GRIK2: variants seen among roughly 807,000 people sequenced by gnomAD.
GRIK2 encodes glutamate receptor ionotropic, kainate 2.
GRIK2 carries 32 observed loss-of-function variants against 100.3 expected under a neutral mutation model. The observed-to-expected ratio is 0.32, with a 90% CI of 0.24 to 0.43. GRIK2 has a LOEUF of 0.43. Among genes scored for constraint, GRIK2 ranks in the 20% least tolerant of loss-of-function variants. GRIK2 has a pLI of 1.00. For missense variants in GRIK2, 843 were observed against 1,114.9 expected, an observed-to-expected ratio of 0.76 and a Z score of 3.47; for synonymous variants, 417 against 389.4, an observed-to-expected ratio of 1.07 and a Z score of -0.83.
At chr6:101,532,303 G>T (rs1775480500) in intron 2 of GRIK2, among the ~76,000 whole-genome samples, 1 of 151,842 alleles carries the variant, frequency 6.6e-6, no homozygotes, top group Admixed American at 6.6e-5. Context: ...ATTCTTATCT[G>T]AGTAACATTT....
chr6:101,887,492 A>ATAT (rs5878700), intron 11 of GRIK2, among the ~76,000 whole-genome samples: 1 of 151,638 alleles, frequency 6.6e-6, no homozygotes, highest in Non-Finnish European at 1.5e-5. Context: ...CTACTACTTT[A>ATAT]TGTTCATTTT....
chr6:101,489,327 A>T (rs1399687624), intron 2 of GRIK2, among the ~76,000 whole-genome samples: 4 of 145,900 alleles, frequency 2.7e-5, no homozygotes, highest in African/African-American at 7.9e-5. Context: ...TTCCATGGGA[A>T]CTCTCTAATA....
chr6:101,735,043 A>G (rs1198843627), intron 7 of GRIK2, among the ~76,000 whole-genome samples: 3 of 152,212 alleles, frequency 2.0e-5, no homozygotes, highest in Admixed American at 1.3e-4. Flanking sequence ...TTTAGCAAAT[A>G]TATTTGTAGT....
At chr6:101,673,541 C>T (rs1770594115) in intron 4 of GRIK2, among the ~76,000 whole-genome samples, 1 of 152,144 alleles carries the variant, frequency 6.6e-6, no homozygotes, top group Admixed American at 6.6e-5. Context: ...TTCTTCTTTG[C>T]TTCATAAGAT....
At chr6:102,041,912 A>C (rs1026767004) in intron 15 of GRIK2, among the ~76,000 whole-genome samples, 5 of 151,564 alleles carry the variant, frequency 3.3e-5, no homozygotes, top group African/African-American at 1.2e-4. Context: ...AGGGATATTA[A>C]ATATATAGCC....
chr6:101,902,019 A>C (rs1787878119), intron 12 of GRIK2, among the ~76,000 whole-genome samples: 1 of 79,344 alleles, frequency 1.3e-5, no homozygotes, highest in Non-Finnish European at 2.5e-5. Context: ...ATCATCTATA[A>C]AATTGGCTTA....
chr6:102,018,044 C>G (rs952082031), intron 14 of GRIK2, among the ~76,000 whole-genome samples: 6 of 152,134 alleles, frequency 3.9e-5, no homozygotes, highest in African/African-American at 1.4e-4. Context: ...ATTGTTCAGT[C>G]TCTTCAAACT....
At chr6:101,680,044 C>A (rs565950198) in intron 5 of GRIK2, among the ~76,000 whole-genome samples, 1 of 152,156 alleles carries the variant, frequency 6.6e-6, no homozygotes, top group South Asian at 2.1e-4. Context: ...GGCCTCCCAG[C>A]GTTTTCTACG....
rs1391488839 is a variant in GRIK2 at position 102,006,388 on chromosome 6, A to AT, written c.2086-28952dup. 6.6e-3 allele frequency among the ~76,000 whole-genome samples: 733 copies of AT among 111,856 alleles called. 6 individuals are homozygous for AT. Among genetic ancestry groups the AT allele is most frequent in the East Asian group, 0.042 (181 of 4,330 alleles). 73.4% of individuals were successfully genotyped at this position (111,856 alleles called of 152,430 possible). Reference sequence around the variant, plus strand: ...ACCTTTTATATATATATATATATATATATTTTTTTTTTTTTTGAGACATAC... The same window carrying AT: ...ACCTTTTATATATATATATATATATATTATTTTTTTTTTTTTTGAGACATAC... On this transcript the variant is annotated intron_variant, in intron 14 of 16. Transcript: ENST00000369134.
chr6:101,503,688 T>C (rs919067948), intron 2 of GRIK2, among the ~76,000 whole-genome samples: 1 of 152,158 alleles, frequency 6.6e-6, no homozygotes, highest in Non-Finnish European at 1.5e-5. Context: ...TTTATGTAAA[T>C]TTTAGAGTGT....
intron 10 of GRIK2, among the ~76,000 whole-genome samples, chr6:101,819,106 C>G (rs1489721186): frequency 1.3e-5 from 2 of 152,062 alleles, no homozygotes; most frequent in Admixed American, 1.3e-4. Context: ...TTAATTAGAT[C>G]ACACAGTAAT....
chr6:101,790,477 G>A (rs1220164190), intron 7 of GRIK2, among the ~76,000 whole-genome samples: 1 of 150,908 alleles, frequency 6.6e-6, no homozygotes, highest in Non-Finnish European at 1.5e-5. Flanking sequence ...TGTGGTTTTT[G>A]TCTTTGGCTC....
intron 14 of GRIK2, among the ~76,000 whole-genome samples, chr6:101,954,393 T>C (rs1310714): frequency 2.6e-5 from 4 of 151,906 alleles, no homozygotes; most frequent in Non-Finnish European, 5.9e-5. Context: ...TTTCTTTCAA[T>C]GTGTTTTCAC....
chr6:101,700,055 TG>T (rs951155655), intron 7 of GRIK2, among the ~76,000 whole-genome samples: 2 of 151,688 alleles, frequency 1.3e-5, no homozygotes, highest in Non-Finnish European at 2.9e-5. Flanking sequence ...CAGTCTGAGG[TG>T]GGAAGATCAC....
chr6:101,891,537 A>AAAAAAAAT (rs1787095865), intron 12 of GRIK2: 1 of 373,306 alleles, frequency 2.7e-6, no homozygotes, highest in African/African-American at 2.2e-5. Context: ...AAAAAAAAAA[A>AAAAAAAAT]GGTGGATTAT....
chr6:101,556,320 A>ATTTTTTTTT (rs1304574158), intron 2 of GRIK2, among the ~76,000 whole-genome samples: 1 of 55,362 alleles, frequency 1.8e-5, no homozygotes, highest in Non-Finnish European at 4.1e-5. Context: ...ATATATTGGT[A>ATTTTTTTTT]ATTTTTTTTT....
At chr6:101,940,519 G>A (rs538742049) in intron 14 of GRIK2, among the ~76,000 whole-genome samples, 4 of 151,902 alleles carry the variant, frequency 2.6e-5, no homozygotes, top group Middle Eastern at 3.4e-3. Flanking sequence ...TAGCTGTCAC[G>A]TCTACCTTTC....
chr6:101,998,015 T>C lies in GRIK2; in HGVS notation c.2086-37326T>C, dbSNP rs528541606. On this transcript the variant is annotated intron_variant, in intron 14 of 16. Transcript: ENST00000369134. ...TTGAAATTTTTAACATACGTATACATCAGCGAGAAAATACCACAGTGAAGA... is the reference window on the plus strand; with the variant it reads ...TTGAAATTTTTAACATACGTATACACCAGCGAGAAAATACCACAGTGAAGA... Among the ~76,000 whole-genome samples the C allele has an allele frequency of 2.2e-3, 334 of 152,204 alleles. 1 individual carries two copies. The highest frequency in any genetic ancestry group is 2.4e-3 in the Non-Finnish European group (166 of 67,992).
intron 12 of GRIK2, among the ~76,000 whole-genome samples, chr6:101,916,469 A>C (rs1422332933): frequency 6.6e-6 from 1 of 151,552 alleles, no homozygotes; most frequent in African/African-American, 2.4e-5. Flanking sequence ...GGAATTACTC[A>C]TTGATTGGAA....
Sources: gnomAD v4.1 joint callset for allele counts (sites outside exome capture counted in the v4.1 genomes callset) on GRCh38, gnomAD v4.1.1 for gene constraint, MANE v1.5 for transcripts, NCBI Gene and HGNC (gene_info 2026-07-23, HGNC 2026-07-21) for gene names.